Variants in TEX11 observed in about 807,000 individuals in gnomAD.
TEX11 encodes testis-expressed protein 11.
A neutral mutation model predicts 84.4 loss-of-function variants in TEX11; 7 were observed. The observed-to-expected ratio is 0.08, with a 90% CI of 0.05 to 0.16. The LOEUF is 0.16. Among genes scored for constraint, TEX11 ranks in the 10% least tolerant of loss-of-function variants. The pLI, the probability that TEX11 is intolerant of heterozygous loss-of-function variation, is 1.00. For synonymous variants in TEX11, 264 were observed against 222.8 expected (o/e 1.18, Z -1.64); for missense variants, 551 against 660.5 (o/e 0.83, Z 1.82).
At chrX:70,562,417 T>C (rs756120236) in intron 25 of TEX11, among the ~76,000 whole-genome samples, 4 of 112,237 alleles carry the variant, frequency 3.6e-5, no homozygotes, top group South Asian at 7.4e-4. Context: ...ACTGACTAAA[T>C]ATGTAAAGTA....
chrX:70,901,710 T>C (rs777431471), intron 2 of TEX11, among the ~76,000 whole-genome samples: 3 of 111,587 alleles, frequency 2.7e-5, no homozygotes, highest in Non-Finnish European at 5.7e-5. Flanking sequence ...TGCAGCCAGG[T>C]TCCTAACAGG....
At position 70,780,704 on chromosome X, in the gene TEX11, C is replaced by T. The variant is rs2091033413; in HGVS notation, c.692+26001G>A. On this transcript the variant is annotated intron_variant, in intron 9 of 29. Coordinates refer to ENST00000374333, the MANE Select transcript of TEX11 (RefSeq NM_031276.3). Reference sequence around the variant, plus strand: ...CCCGCCCATGGAGCCTTGCTCACTGCTAGCGCATCAGTTTGAGTTCTAACT... The same window carrying T: ...CCCGCCCATGGAGCCTTGCTCACTGTTAGCGCATCAGTTTGAGTTCTAACT... 2.7e-5 allele frequency among the ~76,000 whole-genome samples: 3 copies of T among 112,807 alleles called. No homozygotes were observed. In the South Asian group the frequency reaches 1.1e-3, roughly 41 times the overall value.
intron 11 of TEX11, 54 bp from the exon 12 acceptor site, chrX:70,725,397 A>T: frequency 1.1e-6 from 1 of 890,355 alleles, no homozygotes; most frequent in African/African-American, 1.9e-5. Flanking sequence ...TGTAAAAGAC[A>T]ATTTTCAAGT....
At chrX:70,680,727 A>G in intron 14 of TEX11, among the ~76,000 whole-genome samples, 2 of 112,089 alleles carry the variant, frequency 1.8e-5, no homozygotes, top group Admixed American at 1.9e-4. Flanking sequence ...ACCATAATTG[A>G]TAATATAATG....
chrX:70,658,788 G>A (rs1028747624), intron 16 of TEX11, among the ~76,000 whole-genome samples: 2 of 110,609 alleles, frequency 1.8e-5, no homozygotes. Flanking sequence ...AAGTTTCAAG[G>A]GATCCTGATT....
At chrX:70,613,174 C>T (rs758469931) in intron 20 of TEX11, among the ~76,000 whole-genome samples, 8 of 111,649 alleles carry the variant, frequency 7.2e-5, no homozygotes, top group Non-Finnish European at 1.5e-4. Context: ...CCTCCCCCAC[C>T]GTAGGAACAC....
At chrX:70,844,559 T>C (rs1233399092) in intron 7 of TEX11, among the ~76,000 whole-genome samples, 1 of 108,484 alleles carries the variant, frequency 9.2e-6, no homozygotes, top group East Asian at 3.0e-4. Context: ...CATGTACACA[T>C]ATGTAACAAA....
In TEX11 at chrX:70,530,120, G is replaced by A. The variant is rs774801802; in HGVS notation, c.2521-121C>T. 3 of 633,226 alleles carry A rather than the reference G, an allele frequency of 4.7e-6. No individual in the cohort carries two copies. In the East Asian group the frequency reaches 1.0e-4, roughly 21 times the overall value. The allele number at this position is 633,226 out of a possible 1,213,427, so 52.2% of individuals were successfully genotyped here. A position where few individuals can be genotyped will look rare whatever the true frequency, so the allele number is the denominator to read the frequency against. ...CAATAGGAGCTCTGCTGATGTTTAG[G>A]AAGGTCTGTGCTCCTGGAGAGTGCA... On this transcript the variant is annotated intron_variant, in intron 28 of 29. Coordinates refer to ENST00000374333, the MANE Select transcript of TEX11 (RefSeq NM_031276.3).
chrX:70,839,653 G>A (rs1286469452), intron 7 of TEX11, among the ~76,000 whole-genome samples: 1 of 111,974 alleles, frequency 8.9e-6, no homozygotes, highest in Admixed American at 9.5e-5. Context: ...TGACTTTGAC[G>A]AGCTGAGAGA....
intron 9 of TEX11, among the ~76,000 whole-genome samples, chrX:70,773,905 A>G (rs1455565479): frequency 3.6e-5 from 4 of 111,408 alleles, no homozygotes; most frequent in Admixed American, 9.6e-5. Context: ...GCGAGCTGAG[A>G]GAGAGACTCC....
chrX:70,603,775 A>G (rs1213124848), intron 24 of TEX11, among the ~76,000 whole-genome samples: 2 of 110,553 alleles, frequency 1.8e-5, no homozygotes, highest in African/African-American at 3.3e-5. Flanking sequence ...AACCTACAAC[A>G]TGGGAGAAAA....
At chrX:70,768,450 A>C (rs1219458130) in intron 9 of TEX11, among the ~76,000 whole-genome samples, 1 of 111,464 alleles carries the variant, frequency 9.0e-6, no homozygotes, top group Non-Finnish European at 1.9e-5. Flanking sequence ...GCCATAAAGA[A>C]CTGTCTAAGA....
chrX:70,547,658 A>C (rs12850773), intron 28 of TEX11, among the ~76,000 whole-genome samples: 9,706 of 112,028 alleles, frequency 0.087, 774 homozygotes, highest in African/African-American at 0.25. Context: ...GCCAAAATAC[A>C]CATGAAAAAA....
Position 70,657,091 on chromosome X carries a change from T to C in TEX11, c.1381-5539A>G, listed in dbSNP as rs2089874821. Among the ~76,000 whole-genome samples, 2 of 112,555 alleles carry C rather than the reference T, an allele frequency of 1.8e-5. 1 individual carries two copies. Among genetic ancestry groups the C allele is most frequent in the South Asian group, 7.3e-4 (2 of 2,723 alleles). On this transcript the variant is annotated intron_variant, in intron 16 of 29. Transcript: ENST00000374333. Reference sequence around the variant, plus strand: ...CAATAGAGTAGTCATTAGCCACACATGGCTATTTAGCACTTGAAATGTGGC... The same window carrying C: ...CAATAGAGTAGTCATTAGCCACACACGGCTATTTAGCACTTGAAATGTGGC...
chrX:70,731,887 T>C (rs1220084987), intron 11 of TEX11, among the ~76,000 whole-genome samples: 1 of 111,437 alleles, frequency 9.0e-6, no homozygotes, highest in East Asian at 2.8e-4. Context: ...TGATGAACAT[T>C]GATGCAAAAA....
intron 14 of TEX11, among the ~76,000 whole-genome samples, chrX:70,679,280 G>A (rs770392730): frequency 9.0e-5 from 10 of 110,893 alleles, no homozygotes; most frequent in Non-Finnish European, 1.5e-4. Context: ...GCGTGATCTC[G>A]GCTCGCTACA....
At chrX:70,701,634 A>C in intron 13 of TEX11, among the ~76,000 whole-genome samples, 1 of 112,444 alleles carries the variant, frequency 8.9e-6, no homozygotes, top group Non-Finnish European at 1.9e-5. Flanking sequence ...TAAGAAATAC[A>C]TTTTGCAAGG....
intron 4 of TEX11, among the ~76,000 whole-genome samples, chrX:70,868,267 A>G (rs2091609890): frequency 8.9e-6 from 1 of 112,267 alleles, no homozygotes; most frequent in South Asian, 3.7e-4. Flanking sequence ...CCAAAAAAAC[A>G]TATTAAAAAA....
At chrX:70,549,852 A>G (rs1017465873) in intron 28 of TEX11, among the ~76,000 whole-genome samples, 5 of 112,591 alleles carry the variant, frequency 4.4e-5, no homozygotes, top group Admixed American at 1.9e-4. Flanking sequence ...AGGGAAGGAC[A>G]GCCTGGCTGG....
Sources: gnomAD v4.1 joint callset for allele counts (sites outside exome capture counted in the v4.1 genomes callset) on GRCh38, gnomAD v4.1.1 for gene constraint, MANE v1.5 for transcripts, NCBI Gene and HGNC (gene_info 2026-07-23, HGNC 2026-07-21) for gene names.